Variants in TBL1X observed in about 807,000 individuals in gnomAD.
TBL1X encodes the protein F-box-like/WD repeat-containing protein TBL1X.
A neutral mutation model predicts 50.7 loss-of-function variants in TBL1X; 10 were observed. That is an observed-to-expected ratio of 0.20 (90% CI 0.12 to 0.33). The LOEUF is 0.33. TBL1X is among the 10% of genes least tolerant of loss of function. The pLI, the probability that TBL1X is intolerant of heterozygous loss-of-function variation, is 1.00. For synonymous variants in TBL1X, 190 were observed against 214.7 expected, an observed-to-expected ratio of 0.88 and a Z score of 1.01; for missense variants, 340 against 504.4, an observed-to-expected ratio of 0.67 and a Z score of 3.12.
chrX:9,551,014 G>A (rs1410956982), intron 2 of TBL1X, among the ~76,000 whole-genome samples: 1 of 111,478 alleles, frequency 9.0e-6, no homozygotes, highest in Non-Finnish European at 1.9e-5. Context: ...CGCCAGAGGT[G>A]GAGGAACTGC....
chrX:9,548,113 G>A (rs190106470), intron 2 of TBL1X, among the ~76,000 whole-genome samples: 20 of 109,141 alleles, frequency 1.8e-4, no homozygotes, highest in Admixed American at 1.6e-3. Flanking sequence ...CACTGTGGGT[G>A]TACAGACAAT....
intron 2 of TBL1X, among the ~76,000 whole-genome samples, chrX:9,549,633 G>C (rs777870180): frequency 9.0e-6 from 1 of 111,684 alleles, no homozygotes; most frequent in East Asian, 2.8e-4. Context: ...CATCCCAAGC[G>C]GTTGTAAAAG....
chrX:9,629,345 C>T (rs767706986), intron 2 of TBL1X, among the ~76,000 whole-genome samples: 1 of 112,382 alleles, frequency 8.9e-6, no homozygotes, highest in African/African-American at 3.2e-5. Flanking sequence ...ACGATGGCTG[C>T]AAAGTCCAAG....
intron 1 of TBL1X, among the ~76,000 whole-genome samples, chrX:9,492,825 ATTGGGGCTAGAGGGTGTGTGTGTGTGTGT>A (rs2081951138): frequency 5.1e-5 from 5 of 98,259 alleles, no homozygotes; most frequent in Admixed American, 2.3e-4. Context: ...TATTGTTGAG[ATTGGGGCTAGAGGGTGTGTGTGTGTGTGT>A]GTGTGTGTGT....
chrX:9,670,288 CT>C (rs1468812790), intron 5 of TBL1X, among the ~76,000 whole-genome samples: 1 of 110,899 alleles, frequency 9.0e-6, no homozygotes, highest in Admixed American at 9.6e-5. Context: ...GTGGCCCCCC[CT>C]ACTGAGGAAT....
chrX:9,663,156 A>G (rs1004303910), intron 5 of TBL1X, among the ~76,000 whole-genome samples: 1 of 111,548 alleles, frequency 9.0e-6, no homozygotes, highest in East Asian at 2.8e-4. Flanking sequence ...ATATTACATG[A>G]TAAGGGCTTT....
intron 12 of TBL1X, among the ~76,000 whole-genome samples, chrX:9,702,765 A>C (rs2083182709): frequency 8.9e-6 from 1 of 112,110 alleles, no homozygotes; most frequent in African/African-American, 3.2e-5. Context: ...CTTGGAGAAC[A>C]TAACTTGGCA....
chrX:9,500,583 C>T (rs2081996191), intron 1 of TBL1X, among the ~76,000 whole-genome samples: 1 of 112,023 alleles, frequency 8.9e-6, no homozygotes, highest in Admixed American at 9.4e-5. Context: ...GCAACAAGAG[C>T]AAGACTCCGT....
intron 2 of TBL1X, among the ~76,000 whole-genome samples, chrX:9,552,639 A>G (rs374172226): frequency 2.9e-4 from 33 of 112,212 alleles, no homozygotes; most frequent in African/African-American, 1.1e-3. Flanking sequence ...CGTTGCAAGA[A>G]TGCTGGCTTT....
intron 1 of TBL1X, among the ~76,000 whole-genome samples, chrX:9,499,314 G>A (rs113738483): frequency 1.4e-4 from 16 of 111,701 alleles, no homozygotes; most frequent in African/African-American, 4.9e-4. Context: ...CTAGAGACCA[G>A]CTCGCCCTTG....
intron 8 of TBL1X, among the ~76,000 whole-genome samples, 154 bp from the exon 9 acceptor site, chrX:9,691,959 G>A (rs1237818462): frequency 8.9e-6 from 1 of 111,984 alleles, no homozygotes; most frequent in Non-Finnish European, 1.9e-5. Flanking sequence ...ATTACCAAAT[G>A]CAAAGATGGC....
At chrX:9,595,616 G>A (rs1284250849) in intron 2 of TBL1X, among the ~76,000 whole-genome samples, 1 of 111,828 alleles carries the variant, frequency 8.9e-6, no homozygotes, top group African/African-American at 3.3e-5. Context: ...AGACGAAGAT[G>A]AAAGGGAAAC....
chrX:9,606,572 C>G (rs1009058562), intron 2 of TBL1X, among the ~76,000 whole-genome samples: 1 of 110,704 alleles, frequency 9.0e-6, no homozygotes, highest in Non-Finnish European at 1.9e-5. Flanking sequence ...TGCTGGAACT[C>G]GGGAGGCTGA....
At chrX:9,711,865 C>T (rs773144468) in intron 16 of TBL1X, 89 bp downstream of exon 16, 145 of 1,010,786 alleles carry the variant, frequency 1.4e-4, no homozygotes, top group African/African-American at 1.4e-3. Context: ...AGCAGTGCCC[C>T]GGAGGGAGTT....
chrX:9,546,739 G>T (rs1342607802), intron 2 of TBL1X, among the ~76,000 whole-genome samples: 2 of 107,928 alleles, frequency 1.9e-5, no homozygotes, highest in Non-Finnish European at 3.8e-5. Context: ...TTAGTAGTTG[G>T]CATTCTTAAA....
intron 2 of TBL1X, among the ~76,000 whole-genome samples, chrX:9,518,764 A>G (rs780674880): frequency 9.9e-5 from 11 of 110,781 alleles, no homozygotes; most frequent in African/African-American, 1.6e-4. Flanking sequence ...GTTGGTGACA[A>G]TCTTTTGGGA....
chrX:9,682,573 C>T (rs2083031736), intron 5 of TBL1X, among the ~76,000 whole-genome samples: 1 of 111,930 alleles, frequency 8.9e-6, no homozygotes, highest in Non-Finnish European at 1.9e-5. Flanking sequence ...AAGGAGAGCA[C>T]AGCGCAGAGC....
chrX:9,503,652 T>A (rs1306954669), intron 2 of TBL1X, among the ~76,000 whole-genome samples: 1 of 113,289 alleles, frequency 8.8e-6, no homozygotes, highest in Admixed American at 9.2e-5. Flanking sequence ...ACACTGGCTG[T>A]GGCAGTCTGC....
intron 2 of TBL1X, among the ~76,000 whole-genome samples, chrX:9,509,123 C>T (rs1242570788): frequency 9.3e-6 from 1 of 107,166 alleles, no homozygotes; most frequent in Non-Finnish European, 1.9e-5. Flanking sequence ...TGCGGTGGCT[C>T]ACACCTGTAA....
Sources: allele counts gnomAD v4.1 joint callset (sites outside exome capture counted in the v4.1 genomes callset), GRCh38; gene constraint gnomAD v4.1.1; transcripts MANE v1.5; gene names NCBI Gene and HGNC (gene_info 2026-07-23, HGNC 2026-07-21).